SYNPR: variants seen among roughly 807,000 people sequenced by gnomAD.
SYNPR encodes the protein synaptoporin.
SYNPR carries 23 observed loss-of-function variants against 32.9 expected under a neutral mutation model. The observed-to-expected ratio is 0.70, with a 90% CI of 0.50 to 0.99. The LOEUF is 0.99. Among genes scored for constraint, SYNPR ranks in the 50% least tolerant of loss-of-function variants. The pLI is 0.00. For missense variants in SYNPR, 318 were observed against 349.3 expected, an observed-to-expected ratio of 0.91 and a Z score of 0.71; for synonymous variants, 146 against 135.9, an observed-to-expected ratio of 1.07 and a Z score of -0.52.
At chr3:63,448,635 A>G (rs1179710947) in intron 2 of SYNPR, among the ~76,000 whole-genome samples, 2 of 152,120 alleles carry the variant, frequency 1.3e-5, no homozygotes, top group African/African-American at 4.8e-5. Flanking sequence ...TTGGGGGAAG[A>G]TTTTAGAAAA....
intron 2 of SYNPR, among the ~76,000 whole-genome samples, chr3:63,302,128 C>G (rs1422866964): frequency 2.6e-5 from 4 of 152,172 alleles, no homozygotes; most frequent in East Asian, 1.9e-4. Flanking sequence ...AATTTTACCC[C>G]ATCTTTCAGG....
chr3:63,334,182 T>C (rs2087260051), intron 2 of SYNPR, among the ~76,000 whole-genome samples: 1 of 152,228 alleles, frequency 6.6e-6, no homozygotes, highest in Admixed American at 6.5e-5. Flanking sequence ...ATGTTTTTTT[T>C]CTTCAGCATG....
chr3:63,232,528 A>G (rs766110173), intron 1 of SYNPR, among the ~76,000 whole-genome samples: 1 of 152,152 alleles, frequency 6.6e-6, no homozygotes, highest in Non-Finnish European at 1.5e-5. Context: ...ATATTAAAAG[A>G]ACTAAAATGT....
chr3:63,532,288 T>C (rs557819934), intron 3 of SYNPR, among the ~76,000 whole-genome samples: 17 of 152,334 alleles, frequency 1.1e-4, no homozygotes, highest in Admixed American at 2.0e-4. Flanking sequence ...CGACATTTTA[T>C]GTTCCAAATA....
intron 2 of SYNPR, among the ~76,000 whole-genome samples, chr3:63,423,307 T>C (rs1296277241): frequency 6.6e-6 from 1 of 152,174 alleles, no homozygotes; most frequent in Non-Finnish European, 1.5e-5. Context: ...GCGACTGTTA[T>C]ACAGCAAATG....
intron 2 of SYNPR, among the ~76,000 whole-genome samples, chr3:63,303,314 CTGTT>C (rs1243683618): frequency 6.9e-6 from 1 of 145,914 alleles, no homozygotes; most frequent in Non-Finnish European, 1.5e-5. Flanking sequence ...GAGCCTGAGT[CTGTT>C]TGTCAGAAGA....
At chr3:63,476,451 C>G (rs1462132126) in intron 2 of SYNPR, among the ~76,000 whole-genome samples, 2 of 152,020 alleles carry the variant, frequency 1.3e-5, no homozygotes, top group Admixed American at 6.6e-5. Flanking sequence ...GGACAAATCA[C>G]CTACTCTGCT....
At chr3:63,495,746 C>T (rs749843546) in intron 3 of SYNPR, among the ~76,000 whole-genome samples, 32 of 151,940 alleles carry the variant, frequency 2.1e-4, no homozygotes, top group Non-Finnish European at 3.8e-4. Context: ...TTTAGCAAAA[C>T]TATGGAGACA....
At chr3:63,249,337 G>A (rs914663366) in intron 1 of SYNPR, among the ~76,000 whole-genome samples, 34 of 152,182 alleles carry the variant, frequency 2.2e-4, no homozygotes, top group African/African-American at 7.9e-4. Flanking sequence ...ACAAGATTGC[G>A]ATAGTGTAGT....
chr3:63,527,777 A>C (rs1215968895), intron 3 of SYNPR, among the ~76,000 whole-genome samples: 1 of 152,124 alleles, frequency 6.6e-6, no homozygotes, highest in Non-Finnish European at 1.5e-5. Flanking sequence ...GCGTGGCCTT[A>C]TGCTATTTTT....
At chr3:63,230,726 C>T (rs1480439585) in intron 1 of SYNPR, among the ~76,000 whole-genome samples, 1 of 152,140 alleles carries the variant, frequency 6.6e-6, no homozygotes, top group Admixed American at 6.5e-5. Flanking sequence ...ATTTCATCAT[C>T]TATAAAATGG....
At chr3:63,550,859 G>A (rs112107971) in intron 3 of SYNPR, among the ~76,000 whole-genome samples, 1 of 152,314 alleles carries the variant, frequency 6.6e-6, no homozygotes, top group African/African-American at 2.4e-5. Context: ...TGGCCAAGAA[G>A]ACCCCACAAT....
intron 2 of SYNPR, among the ~76,000 whole-genome samples, chr3:63,283,480 AT>A (rs2086649494): frequency 6.6e-6 from 1 of 152,182 alleles, no homozygotes; most frequent in South Asian, 2.1e-4. Flanking sequence ...GGTCTTTTAC[AT>A]TTATTCCCTG....
At chr3:63,258,886 G>C (rs920543945) in intron 2 of SYNPR, among the ~76,000 whole-genome samples, 1 of 152,008 alleles carries the variant, frequency 6.6e-6, no homozygotes, top group Non-Finnish European at 1.5e-5. Flanking sequence ...AATGATAAAG[G>C]GGATATCACC....
chr3:63,477,393 T>C (rs1375248528), intron 2 of SYNPR, among the ~76,000 whole-genome samples: 1 of 152,192 alleles, frequency 6.6e-6, no homozygotes, highest in African/African-American at 2.4e-5. Flanking sequence ...GTGAATTTAA[T>C]ATCAATCATA....
chr3:63,318,805 T>A (rs2087073539), intron 2 of SYNPR, among the ~76,000 whole-genome samples: 1 of 151,956 alleles, frequency 6.6e-6, no homozygotes. Context: ...GGTGAACTAG[T>A]GTGATTTTTG....
At chr3:63,615,073 T>C (rs912376515) in intron 5 of SYNPR, 151 bp from the exon 6 acceptor site, 3 of 939,750 alleles carry the variant, frequency 3.2e-6, no homozygotes, top group Admixed American at 5.7e-5. Flanking sequence ...ATATTCTAAA[T>C]GAAATACCGG....
intron 2 of SYNPR, among the ~76,000 whole-genome samples, chr3:63,308,185 C>A (rs919220884): frequency 1.3e-5 from 2 of 151,908 alleles, no homozygotes; most frequent in Non-Finnish European, 2.9e-5. Flanking sequence ...ATTGTTGGAA[C>A]TTTTTATTGT....
At chr3:63,357,072 T>C (rs1335464635) in intron 2 of SYNPR, among the ~76,000 whole-genome samples, 1 of 152,228 alleles carries the variant, frequency 6.6e-6, no homozygotes, top group Non-Finnish European at 1.5e-5. Context: ...TTGTTACTCT[T>C]TGTGATCCTT....
Sources: allele counts gnomAD v4.1 joint callset (sites outside exome capture counted in the v4.1 genomes callset), GRCh38; gene constraint gnomAD v4.1.1; transcripts MANE v1.5; gene names NCBI Gene and HGNC (gene_info 2026-07-23, HGNC 2026-07-21).